DDX10: variants seen among roughly 807,000 people sequenced by gnomAD.
DDX10 encodes DEAD-box helicase 10.
In DDX10, 74 loss-of-function variants were observed where a neutral mutation model predicts 104.3. The observed-to-expected ratio is 0.71, with a 90% CI of 0.59 to 0.86. The LOEUF is 0.86. Ranked by LOEUF, DDX10 falls within the 40% of genes least tolerant of loss-of-function variation. DDX10 has a pLI of 0.00. For missense variants in DDX10, 952 were observed against 1,040.0 expected (o/e 0.92, Z 1.16); for synonymous variants, 351 against 353.4 (o/e 0.99, Z 0.08).
intron 13 of DDX10, among the ~76,000 whole-genome samples, chr11:108,765,080 T>G (rs866868473): frequency 6.6e-6 from 1 of 152,206 alleles, no homozygotes; most frequent in African/African-American, 2.4e-5. Flanking sequence ...AATAATATAC[T>G]GAAGAAGCCA....
intron 9 of DDX10, among the ~76,000 whole-genome samples, chr11:108,698,477 A>G (rs1359820572): frequency 6.6e-6 from 1 of 152,196 alleles, no homozygotes; most frequent in African/African-American, 2.4e-5. Flanking sequence ...AAGGTTGCAT[A>G]AAAGGTCACA....
At chr11:108,834,122 ATTT>A (rs544463476) in intron 13 of DDX10, among the ~76,000 whole-genome samples, 4 of 139,376 alleles carry the variant, frequency 2.9e-5, no homozygotes, top group Non-Finnish European at 3.1e-5. Flanking sequence ...AGCCTGGCTA[ATTT>A]TTTTTTTTTT....
chr11:108,918,862 T>A (rs1409448800), intron 17 of DDX10: 1 of 152,192 alleles, frequency 6.6e-6, no homozygotes, highest in Non-Finnish European at 1.5e-5. Flanking sequence ...AACTTCATGC[T>A]CAATCTAAAC....
intron 16 of DDX10, among the ~76,000 whole-genome samples, chr11:108,857,644 A>G (rs1014680610): frequency 6.6e-6 from 1 of 152,190 alleles, no homozygotes; most frequent in East Asian, 1.9e-4. Context: ...GAGGTCACTC[A>G]TATTATGATT....
rs575246932 is a variant in DDX10 at position 108,809,178 on chromosome 11, C to G, written c.1966-29268C>G. Among the ~76,000 whole-genome samples, 6 of 152,274 alleles carry G rather than the reference C, an allele frequency of 3.9e-5. No homozygotes were observed. In the East Asian group the frequency reaches 1.2e-3, roughly 29 times the overall value. ...CCCGCTTCAATTGTCCAAGCATTCA[C>G]TCAAACATTTAGTAGGCCACTGTAC... On this transcript the variant is annotated intron_variant, in intron 13 of 17. Coordinates refer to ENST00000322536, the MANE Select transcript of DDX10 (RefSeq NM_004398.4).
intron 16 of DDX10, among the ~76,000 whole-genome samples, chr11:108,896,465 A>G (rs1863442861): frequency 6.6e-6 from 1 of 152,118 alleles, no homozygotes. Flanking sequence ...AGTGATAATA[A>G]ATGCATATAC....
intron 16 of DDX10, among the ~76,000 whole-genome samples, chr11:108,887,606 A>G (rs1021682140): frequency 1.3e-5 from 2 of 151,870 alleles, no homozygotes; most frequent in Non-Finnish European, 2.9e-5. Context: ...CAAACCAGAA[A>G]CACCACTGGT....
intron 9 of DDX10, among the ~76,000 whole-genome samples, chr11:108,694,197 C>A (rs1015307582): frequency 2.0e-5 from 3 of 152,038 alleles, no homozygotes; most frequent in Non-Finnish European, 2.9e-5. Context: ...ATTTTTTGGG[C>A]CTTGGTTGAC....
intron 13 of DDX10, among the ~76,000 whole-genome samples, chr11:108,823,228 C>T (rs567479613): frequency 3.3e-5 from 5 of 152,248 alleles, no homozygotes; most frequent in Admixed American, 1.3e-4. Context: ...CACATTTTGT[C>T]GAAACGTAGT....
chr11:108,892,928 T>G (rs1591113616), intron 16 of DDX10, among the ~76,000 whole-genome samples: 1 of 152,270 alleles, frequency 6.6e-6, no homozygotes, highest in African/African-American at 2.4e-5. Context: ...CCCCTGTTCC[T>G]TCCTGCCTCT....
At chr11:108,753,753 GA>G (rs777303049) in intron 13 of DDX10, among the ~76,000 whole-genome samples, 4 of 151,974 alleles carry the variant, frequency 2.6e-5, no homozygotes, top group Non-Finnish European at 5.9e-5. Flanking sequence ...AATGAATCTA[GA>G]AATTTTTTTA....
In DDX10 at chr11:108,679,412, G is replaced by A; in HGVS notation, c.700G>A (p.Asp234Asn). Residue 234 changes from aspartate to asparagine, a missense_variant, in exon 6 of 18, where the codon GAT becomes AAT. Coordinates refer to ENST00000322536, the MANE Select transcript of DDX10 (RefSeq NM_004398.4). ...TAGAATCTTGGATATGGGCTTTGCT[G>A]ATACCATGAATGCTGTTATTGAAAA... ...ADRILDMGFA[D>N]TMNAVIENLP... is the part of the protein sequence containing the mutation. 3.1e-6 allele frequency: 5 copies of A among 1,608,878 alleles called. No individual in the cohort carries two copies. Among genetic ancestry groups the A allele is most frequent in the Non-Finnish European group, 4.2e-6 (5 of 1,179,028 alleles).
intron 13 of DDX10, among the ~76,000 whole-genome samples, chr11:108,798,660 G>A (rs958001957): frequency 2.0e-5 from 3 of 152,042 alleles, no homozygotes; most frequent in Non-Finnish European, 4.4e-5. Context: ...TTGTACGAGC[G>A]GTTTTGTTTG....
intron 17 of DDX10, chr11:108,918,901 C>T (rs1169109104): frequency 6.6e-6 from 1 of 152,098 alleles, no homozygotes; most frequent in Admixed American, 6.5e-5. Context: ...AAGGGAGGTA[C>T]TAATAACAGA....
chr11:108,754,425 T>A (rs926120455), intron 13 of DDX10, among the ~76,000 whole-genome samples: 3 of 152,082 alleles, frequency 2.0e-5, no homozygotes, highest in African/African-American at 7.2e-5. Flanking sequence ...TCAGGTGGAA[T>A]GAGGTTAATC....
At chr11:108,706,868 A>G (rs1365262950) in intron 10 of DDX10, 31 bp downstream of exon 10, 2 of 1,560,884 alleles carry the variant, frequency 1.3e-6, no homozygotes, top group East Asian at 4.5e-5. Flanking sequence ...TTATGTTTTT[A>G]GGAAAATGAG....
intron 13 of DDX10, among the ~76,000 whole-genome samples, chr11:108,792,871 C>G (rs1861889841): frequency 6.6e-6 from 1 of 151,992 alleles, no homozygotes; most frequent in Non-Finnish European, 1.5e-5. Context: ...TATTTCCATT[C>G]ATTTGGGTGG....
chr11:108,665,619 G>A (rs1377752506), intron 1 of DDX10, among the ~76,000 whole-genome samples: 1 of 152,094 alleles, frequency 6.6e-6, no homozygotes, highest in South Asian at 2.1e-4. Context: ...TAATACTGAT[G>A]ACAATAGTGG....
chr11:108,718,256 T>C (rs1281841339), intron 11 of DDX10, among the ~76,000 whole-genome samples: 6 of 152,172 alleles, frequency 3.9e-5, no homozygotes, highest in Non-Finnish European at 8.8e-5. Context: ...ATCTACTGTG[T>C]TATATCAGGA....
Sources: gnomAD v4.1 joint callset for allele counts (sites outside exome capture counted in the v4.1 genomes callset) on GRCh38, gnomAD v4.1.1 for gene constraint, MANE v1.5 for transcripts, NCBI Gene and HGNC (gene_info 2026-07-23, HGNC 2026-07-21) for gene names.